The following KDM4C variants were observed in gnomAD, a reference collection of about 807,000 sequenced individuals.
KDM4C encodes the protein lysine-specific demethylase 4C.
Under a neutral mutation model 129.3 loss-of-function variants are expected in KDM4C, and 81 were observed. The ratio of observed to expected loss-of-function variants is 0.63; its 90% CI spans 0.52 to 0.75. The LOEUF (loss-of-function observed/expected upper bound fraction) is 0.75. KDM4C is among the 30% of genes least tolerant of loss of function. The probability of loss-of-function intolerance (pLI) is 0.00; values close to 1 mark genes in which losing one functional copy is unlikely to be tolerated. For synonymous variants in KDM4C, 573 were observed against 456.1 expected (o/e 1.26, Z -3.26); for missense variants, 1,457 against 1,304.0 (o/e 1.12, Z -1.81).
chr9:6,867,058 C>T (rs1224914782), intron 5 of KDM4C, among the ~76,000 whole-genome samples: 1 of 146,452 alleles, frequency 6.8e-6, no homozygotes, highest in Non-Finnish European at 1.5e-5. Context: ...GCTCTGTCAC[C>T]AGGCTGGAGT....
At chr9:7,163,065 G>A (rs772315481) in intron 19 of KDM4C, among the ~76,000 whole-genome samples, 29 of 152,078 alleles carry the variant, frequency 1.9e-4, no homozygotes, top group Non-Finnish European at 3.7e-4. Context: ...GAAAGTGCAG[G>A]CTCCTCTCCG....
At chr9:6,807,110 C>T (rs1341557850) in intron 3 of KDM4C, among the ~76,000 whole-genome samples, 1 of 151,930 alleles carries the variant, frequency 6.6e-6, no homozygotes, top group African/African-American at 2.4e-5. Context: ...GGCCGGTCTC[C>T]AGCCCCTAAC....
chr9:6,973,342 G>A (rs988979645), intron 8 of KDM4C, among the ~76,000 whole-genome samples: 5 of 152,072 alleles, frequency 3.3e-5, no homozygotes, highest in Non-Finnish European at 5.9e-5. Flanking sequence ...ACTGCACCCA[G>A]CCCCTGACCA....
At chr9:7,063,573 T>C (rs1395781165) in intron 17 of KDM4C, among the ~76,000 whole-genome samples, 2 of 152,238 alleles carry the variant, frequency 1.3e-5, no homozygotes, top group East Asian at 1.9e-4. Flanking sequence ...GTGATAAAGT[T>C]ACTTGCTTTC....
chr9:6,788,006 T>C (rs1265554005), intron 1 of KDM4C, among the ~76,000 whole-genome samples: 1 of 152,232 alleles, frequency 6.6e-6, no homozygotes, highest in Non-Finnish European at 1.5e-5. Flanking sequence ...CACGCATCTC[T>C]TTGCTGTTCC....
intron 1 of KDM4C, among the ~76,000 whole-genome samples, chr9:6,773,403 T>G (rs1360389455): frequency 1.3e-5 from 2 of 152,184 alleles, no homozygotes; most frequent in Non-Finnish European, 2.9e-5. Context: ...TAGTTTATGA[T>G]TATTTAAAAG....
intron 12 of KDM4C, among the ~76,000 whole-genome samples, chr9:7,008,226 C>T (rs1429266685): frequency 3.3e-5 from 5 of 152,116 alleles, no homozygotes; most frequent in African/African-American, 1.2e-4. Context: ...TGCAGTGAAA[C>T]CCAGCACCAC....
intron 17 of KDM4C, among the ~76,000 whole-genome samples, chr9:7,088,188 C>T (rs888879666): frequency 2.0e-5 from 3 of 152,286 alleles, no homozygotes; most frequent in South Asian, 2.1e-4. Context: ...GCCTGGAGGC[C>T]CTGCTTTGTC....
intron 1 of KDM4C, among the ~76,000 whole-genome samples, chr9:6,745,629 A>G (rs1817848668): frequency 6.7e-6 from 1 of 150,320 alleles, no homozygotes; most frequent in Non-Finnish European, 1.5e-5. Context: ...ATTATGTTAC[A>G]TTACATTATA....
chr9:6,806,901 C>A (rs2131036958), intron 3 of KDM4C, among the ~76,000 whole-genome samples: 1 of 151,832 alleles, frequency 6.6e-6, no homozygotes, highest in East Asian at 1.9e-4. Context: ...TCTCCCTCTC[C>A]CTCTCCCTCT....
At chr9:7,125,570 G>A (rs573522497) in intron 18 of KDM4C, among the ~76,000 whole-genome samples, 1 of 152,334 alleles carries the variant, frequency 6.6e-6, no homozygotes, top group East Asian at 1.9e-4. Context: ...AAAAAGATAA[G>A]CATAACACTC....
At chr9:6,842,842 C>T (rs1179584696) in intron 4 of KDM4C, among the ~76,000 whole-genome samples, 3 of 152,178 alleles carry the variant, frequency 2.0e-5, no homozygotes, top group Admixed American at 1.3e-4. Context: ...ATTGCTGTTA[C>T]CTGCCTGGCT....
chr9:7,165,405 T>C, intron 20 of KDM4C, 48 bp downstream of exon 20: 1 of 1,595,796 alleles, frequency 6.3e-7, no homozygotes, highest in Non-Finnish European at 8.6e-7. Context: ...ACATGATAAG[T>C]CAGAAGGAGA....
intron 19 of KDM4C, among the ~76,000 whole-genome samples, chr9:7,155,448 G>C (rs546819368): frequency 6.6e-6 from 1 of 151,988 alleles, no homozygotes; most frequent in East Asian, 1.9e-4. Context: ...ATGTTGGTTT[G>C]CTGCACCCAT....
chr9:7,174,839 G>A lies in KDM4C; in HGVS notation c.*110G>A. 1.2e-6 allele frequency: 1 copy of A among 861,792 alleles called. No individual in the cohort carries two copies. The highest frequency in any genetic ancestry group is 2.4e-5 in the East Asian group (1 of 41,140). The allele number at this position is 861,792 out of a possible 1,614,324, so 53.4% of individuals were successfully genotyped here. A position where few individuals can be genotyped will look rare whatever the true frequency, so the allele number is the denominator to read the frequency against. ...TTTGCTGGCATAGGTGACAGGGTGTGTCTCTGACAGTGGTAAATCGGGTTT... is the reference window on the plus strand; with the variant it reads ...TTTGCTGGCATAGGTGACAGGGTGTATCTCTGACAGTGGTAAATCGGGTTT... On this transcript the variant is annotated 3_prime_UTR_variant, in exon 22 of 22. Coordinates refer to ENST00000381309, the MANE Select transcript of KDM4C (RefSeq NM_015061.6).
chr9:6,803,755 A>AAG (rs1202445062), intron 2 of KDM4C, among the ~76,000 whole-genome samples: 76 of 105,442 alleles, frequency 7.2e-4, no homozygotes, highest in South Asian at 6.2e-3. Context: ...CAAAAAGAAA[A>AAG]AAAAAAAAAA....
chr9:6,909,033 C>G (rs550730173), intron 8 of KDM4C, among the ~76,000 whole-genome samples: 1 of 152,172 alleles, frequency 6.6e-6, no homozygotes, highest in Non-Finnish European at 1.5e-5. Context: ...AGTGCATTCT[C>G]CCATTTTTGT....
At chr9:6,966,986 A>G (rs1421963929) in intron 8 of KDM4C, among the ~76,000 whole-genome samples, 1 of 152,228 alleles carries the variant, frequency 6.6e-6, no homozygotes, top group African/African-American at 2.4e-5. Context: ...ATATCACTAA[A>G]AAATTGAATT....
chr9:7,093,748 A>G (rs1468781676), intron 17 of KDM4C, among the ~76,000 whole-genome samples: 3 of 152,250 alleles, frequency 2.0e-5, no homozygotes, highest in Non-Finnish European at 2.9e-5. Context: ...TACTATAGCA[A>G]TCTATTAATG....
Sources: gnomAD v4.1 joint callset for allele counts (sites outside exome capture counted in the v4.1 genomes callset) on GRCh38, gnomAD v4.1.1 for gene constraint, MANE v1.5 for transcripts, NCBI Gene and HGNC (gene_info 2026-07-23, HGNC 2026-07-21) for gene names.